Variants in MPPED1 observed in about 807,000 individuals in gnomAD.
MPPED1 encodes metallophosphoesterase domain containing 1.
MPPED1 carries 16 observed loss-of-function variants against 36.2 expected under a neutral mutation model. That is an observed-to-expected ratio of 0.44 (90% CI 0.30 to 0.67). The LOEUF (loss-of-function observed/expected upper bound fraction) is 0.67, where lower values mean the gene tolerates loss of function less well. Ranked by LOEUF, MPPED1 falls within the 30% of genes least tolerant of loss-of-function variation. The pLI is 0.10. For synonymous variants in MPPED1, 199 were observed against 191.3 expected (o/e 1.04, Z -0.33); for missense variants, 307 against 453.4 (o/e 0.68, Z 2.93).
intron 1 of MPPED1, among the ~76,000 whole-genome samples, chr22:43,422,838 A>G (rs942060243): frequency 1.3e-5 from 2 of 152,046 alleles, no homozygotes; most frequent in Non-Finnish European, 2.9e-5. Flanking sequence ...TGGCATTGCT[A>G]CTATCAAATC....
In MPPED1 at chr22:43,502,551, C is replaced by A; in HGVS notation, c.749-93C>A. ...AAGCCGGAGTCCGGAAGCCCCATGCCTTCTCCAGGCTGCAGAAGCTGCTGC... is the reference window on the plus strand; with the variant it reads ...AAGCCGGAGTCCGGAAGCCCCATGCATTCTCCAGGCTGCAGAAGCTGCTGC... On this transcript the variant is annotated intron_variant, in intron 5 of 6. Transcript: ENST00000443721. This position sits in a 1 kb window ranked among gnomAD's most constrained non-coding sequence, Gnocchi z 5.5. 1.0e-6 allele frequency: 1 copy of A among 998,626 alleles called. No homozygotes were observed. The highest frequency in any genetic ancestry group is 2.4e-5 in the East Asian group (1 of 41,518). 61.9% of individuals were successfully genotyped at this position (998,626 alleles called of 1,614,324 possible).
intron 3 of MPPED1, among the ~76,000 whole-genome samples, chr22:43,457,886 T>G (rs142166680): frequency 1.5e-3 from 224 of 152,336 alleles, no homozygotes; most frequent in African/African-American, 5.0e-3. Flanking sequence ...ATAACTACAG[T>G]CATGTGCTGT....
chr22:43,458,242 C>G (rs979381025), intron 3 of MPPED1, among the ~76,000 whole-genome samples: 1 of 151,994 alleles, frequency 6.6e-6, no homozygotes, highest in African/African-American at 2.4e-5. Flanking sequence ...GTCTTTTAAA[C>G]TGGATAGGAG....
At chr22:43,458,823 CCTT>C (rs1187066719) in intron 3 of MPPED1, among the ~76,000 whole-genome samples, 1 of 152,170 alleles carries the variant, frequency 6.6e-6, no homozygotes. Context: ...GGTCGACAGT[CCTT>C]CTTCCTAGCG....
At chr22:43,482,354 G>T (rs1057284574) in intron 4 of MPPED1, among the ~76,000 whole-genome samples, 1 of 152,176 alleles carries the variant, frequency 6.6e-6, no homozygotes, top group African/African-American at 2.4e-5. Context: ...CCGTTGCTGG[G>T]CGTCTGCGCT....
chr22:43,465,916 G>T (rs1419689222), intron 3 of MPPED1, among the ~76,000 whole-genome samples: 1 of 152,198 alleles, frequency 6.6e-6, no homozygotes, highest in Non-Finnish European at 1.5e-5. Flanking sequence ...GGGCCCTTTT[G>T]TGCACATCTC....
chr22:43,418,445 T>C (rs1236382851), intron 1 of MPPED1: 2 of 295,632 alleles, frequency 6.8e-6, no homozygotes, highest in East Asian at 1.9e-4. Context: ...GCATCTCTTT[T>C]GCAAACATTC....
At chr22:43,477,776 G>T (rs1002282944) in intron 4 of MPPED1, among the ~76,000 whole-genome samples, 2 of 152,192 alleles carry the variant, frequency 1.3e-5, no homozygotes, top group Non-Finnish European at 2.9e-5. Flanking sequence ...GGGCCTTTGG[G>T]TACTGGAGGC....
At chr22:43,484,123 C>T (rs1931836640) in intron 4 of MPPED1, among the ~76,000 whole-genome samples, 1 of 152,250 alleles carries the variant, frequency 6.6e-6, no homozygotes, top group Non-Finnish European at 1.5e-5. Flanking sequence ...TGCATGTTGC[C>T]TTGTATTTCT....
At position 43,418,550 on chromosome 22, in the gene MPPED1, G is replaced by C. The variant is rs1929155722; in HGVS notation, c.-78-6358G>C. On this transcript the variant is annotated intron_variant, in intron 1 of 6. Coordinates refer to ENST00000443721, the MANE Select transcript of MPPED1 (RefSeq NM_001044370.2). The stretch of plus-strand genomic sequence containing the variant: ...CTGGCTGGCCTCGCTGTTTGGTGGG[G>C]GCCTTCTTAGGGGCCCACAGACCCC... 2.2e-5 allele frequency: 4 copies of C among 178,152 alleles called. 1 individual carries two copies. In the South Asian group the frequency reaches 3.5e-4, roughly 15 times the overall value. The allele number at this position is 178,152 out of a possible 1,614,324, so 11.0% of individuals were successfully genotyped here.
At chr22:43,465,638 G>A (rs959636314) in intron 3 of MPPED1, among the ~76,000 whole-genome samples, 1 of 152,212 alleles carries the variant, frequency 6.6e-6, no homozygotes, top group African/African-American at 2.4e-5. Flanking sequence ...TTGTTGGGGG[G>A]CACCCATCAT....
intron 3 of MPPED1, among the ~76,000 whole-genome samples, chr22:43,456,249 C>G (rs1254805763): frequency 1.3e-5 from 2 of 152,310 alleles, no homozygotes; most frequent in African/African-American, 4.8e-5. Flanking sequence ...TTTAGTCCTT[C>G]ACTATTAAGT....
chr22:43,435,237 C>T (rs754481480), intron 3 of MPPED1, 22 bp downstream of exon 3: 35 of 1,590,618 alleles, frequency 2.2e-5, no homozygotes, highest in Non-Finnish European at 2.6e-5. Flanking sequence ...CTGCCCCGGG[C>T]GGGCGGCTGT....
At chr22:43,415,413 T>G (rs1929046330) in intron 1 of MPPED1, among the ~76,000 whole-genome samples, 1 of 152,050 alleles carries the variant, frequency 6.6e-6, no homozygotes, top group Non-Finnish European at 1.5e-5. Flanking sequence ...TATTTTGACT[T>G]TTTTCCCCCT....
At chr22:43,464,221 T>C (rs529711087) in intron 3 of MPPED1, among the ~76,000 whole-genome samples, 27 of 151,492 alleles carry the variant, frequency 1.8e-4, no homozygotes, top group African/African-American at 6.5e-4. Context: ...CACTGTGGGG[T>C]TTTTCTCAGA....
intron 3 of MPPED1, among the ~76,000 whole-genome samples, chr22:43,442,958 G>A (rs1229241711): frequency 3.9e-5 from 6 of 152,206 alleles, no homozygotes; most frequent in Non-Finnish European, 7.3e-5. Context: ...TCAACACAGC[G>A]TGAGGGGCTA....
At chr22:43,495,301 GAT>G in intron 4 of MPPED1, among the ~76,000 whole-genome samples, 1 of 146,354 alleles carries the variant, frequency 6.8e-6, no homozygotes. Flanking sequence ...TGATGGAGGT[GAT>G]GGTGGTGATG....
intron 4 of MPPED1, among the ~76,000 whole-genome samples, chr22:43,496,010 GTGGTGGAGGTGGTGA>G (rs1569089299): frequency 2.8e-3 from 197 of 70,662 alleles, no homozygotes; most frequent in Middle Eastern, 7.2e-3. Context: ...GGAGATGGTG[GTGGTGGAGGTGGTGA>G]TGGTGGAGGT....
intron 3 of MPPED1, among the ~76,000 whole-genome samples, chr22:43,470,774 G>T (rs1031509332): frequency 7.2e-5 from 11 of 152,262 alleles, no homozygotes; most frequent in African/African-American, 1.2e-4. Context: ...CCTGGGGATA[G>T]TAACACTTAA....
Sources: gnomAD v4.1 joint callset for allele counts (sites outside exome capture counted in the v4.1 genomes callset) on GRCh38, gnomAD v4.1.1 for gene constraint, Gnocchi (gnomAD v3.1) non-coding constraint, MANE v1.5 for transcripts, NCBI Gene and HGNC (gene_info 2026-07-23, HGNC 2026-07-21) for gene names.